The following RIMS2 variants were observed in gnomAD, a reference collection of about 807,000 sequenced individuals.
RIMS2 encodes the protein regulating synaptic membrane exocytosis 2, also known as regulating synaptic membrane exocytosis protein 2.
RIMS2 carries 59 observed loss-of-function variants against 174.4 expected under a neutral mutation model. The ratio of observed to expected loss-of-function variants is 0.34; its 90% confidence interval spans 0.27 to 0.42. The LOEUF is 0.42. Ranked by LOEUF, RIMS2 falls within the 10% of genes least tolerant of loss-of-function variation. The pLI is 1.00. For synonymous variants in RIMS2, 606 were observed against 572.5 expected (o/e 1.06, Z -0.84); for missense variants, 1,620 against 1,666.3 (o/e 0.97, Z 0.48).
At chr8:104,120,934 G>A (rs1442053509) in intron 19 of RIMS2, among the ~76,000 whole-genome samples, 6 of 152,192 alleles carry the variant, frequency 3.9e-5, no homozygotes, top group Non-Finnish European at 7.4e-5. Context: ...TCTCACCTTG[G>A]CAGTATTTTA....
chr8:103,874,905 G>A lies in RIMS2; in HGVS notation c.699-10393G>A, dbSNP rs1053789975. ...AGCTCAGCCTCACCAGCATCTGGTT[G>A]CATCTGCTTCCTCATCTTATTTGGG... On this transcript the variant is annotated intron_variant, in intron 3 of 23. Transcript: ENST00000504942. Among the ~76,000 whole-genome samples, 4 of 152,016 alleles carry A rather than the reference G, an allele frequency of 2.6e-5. 1 individual carries two copies. The highest frequency in any genetic ancestry group is 9.7e-5 in the African/African-American group (4 of 41,428).
intron 2 of RIMS2, among the ~76,000 whole-genome samples, chr8:103,706,393 G>A (rs2097226503): frequency 6.6e-6 from 1 of 152,050 alleles, no homozygotes; most frequent in African/African-American, 2.4e-5. Context: ...ATACCAGTGA[G>A]TTTTATACCT....
At chr8:103,739,425 T>A (rs1349243814) in intron 2 of RIMS2, among the ~76,000 whole-genome samples, 1 of 152,168 alleles carries the variant, frequency 6.6e-6, no homozygotes, top group African/African-American at 2.4e-5. Context: ...ATATACCTAA[T>A]GTAAATGACG....
intron 1 of RIMS2, among the ~76,000 whole-genome samples, chr8:103,663,930 A>C (rs2096635248): frequency 6.6e-6 from 1 of 152,222 alleles, no homozygotes; most frequent in African/African-American, 2.4e-5. Flanking sequence ...TGGTACCAAA[A>C]CAGTTATGTA....
At chr8:104,068,514 A>T (rs1220700551) in intron 19 of RIMS2, 1 of 1,421,146 alleles carries the variant, frequency 7.0e-7, no homozygotes, top group Non-Finnish European at 9.7e-7. Context: ...CTCGATAGGT[A>T]CTATGGATAT....
chr8:104,089,628 C>T (rs2056486131), intron 19 of RIMS2, among the ~76,000 whole-genome samples: 1 of 151,770 alleles, frequency 6.6e-6, no homozygotes, highest in African/African-American at 2.4e-5. Context: ...CAGTGGTAAA[C>T]ATGCTCAGTG....
chr8:103,818,210 T>C (rs1191699712), intron 3 of RIMS2, among the ~76,000 whole-genome samples: 6 of 152,072 alleles, frequency 3.9e-5, no homozygotes, highest in Non-Finnish European at 8.8e-5. Context: ...TATTTACTGA[T>C]AGTGTATGGA....
At chr8:103,580,672 G>A (rs970114451) in intron 1 of RIMS2, among the ~76,000 whole-genome samples, 2 of 152,088 alleles carry the variant, frequency 1.3e-5, no homozygotes, top group Non-Finnish European at 2.9e-5. Context: ...AACCAGTAAT[G>A]AGTAATGAGA....
intron 17 of RIMS2, among the ~76,000 whole-genome samples, chr8:103,999,852 A>C (rs1247614038): frequency 6.6e-6 from 1 of 151,730 alleles, no homozygotes. Context: ...CTTCGGCCTA[A>C]TTGGCCCATT....
intron 19 of RIMS2, among the ~76,000 whole-genome samples, chr8:104,180,202 A>G (rs1263678041): frequency 6.6e-6 from 1 of 151,804 alleles, no homozygotes; most frequent in East Asian, 1.9e-4. Context: ...TTCTGCAAAT[A>G]GAATAACTAA....
At chr8:104,204,366 T>C (rs971133150) in intron 19 of RIMS2, among the ~76,000 whole-genome samples, 4 of 152,214 alleles carry the variant, frequency 2.6e-5, no homozygotes, top group Non-Finnish European at 5.9e-5. Context: ...TGGGATTAAC[T>C]TGAGATGGCT....
intron 16 of RIMS2, chr8:103,976,553 T>C (rs571817934): frequency 6.9e-6 from 1 of 144,264 alleles, no homozygotes; most frequent in South Asian, 2.1e-4. Context: ...TTTTTCTTTT[T>C]TTTTTTTTTT....
rs531486207 is a variant in RIMS2 at position 104,012,887 on chromosome 8, A to G, written c.3045-555A>G. Reference sequence around the variant, plus strand: ...GACAGCCAGTTAACCAGTTTTCTACAGAGTGATTTTTCTTGTGGATCAGGT... The same window carrying G: ...GACAGCCAGTTAACCAGTTTTCTACGGAGTGATTTTTCTTGTGGATCAGGT... On this transcript the variant is annotated intron_variant, in intron 17 of 23. Transcript: ENST00000504942. Among the ~76,000 whole-genome samples the G allele has an allele frequency of 1.8e-3, 280 of 152,296 alleles. 2 individuals carry two copies. The highest frequency in any genetic ancestry group is 3.5e-3 in the Non-Finnish European group (241 of 68,016).
chr8:103,936,090 A>T (rs1265122677), intron 12 of RIMS2, among the ~76,000 whole-genome samples: 1 of 152,226 alleles, frequency 6.6e-6, no homozygotes, highest in East Asian at 1.9e-4. Context: ...ATCATTGGTC[A>T]TTAGCTAGAA....
At chr8:103,893,325 G>C (rs1314887741) in intron 4 of RIMS2, among the ~76,000 whole-genome samples, 2 of 152,156 alleles carry the variant, frequency 1.3e-5, no homozygotes, top group African/African-American at 4.8e-5. Context: ...ATTGTATCTG[G>C]GGTAGGCTTT....
chr8:104,254,202 G>GT (rs1044085142), downstream of RIMS2: 4 of 63,906 alleles, frequency 6.3e-5, no homozygotes, highest in Non-Finnish European at 1.0e-4. Context: ...TTAAAAGTTG[G>GT]TGTTTTTTTT....
intron 1 of RIMS2, among the ~76,000 whole-genome samples, chr8:103,618,249 A>G (rs376140911): frequency 8.9e-4 from 136 of 152,282 alleles, no homozygotes; most frequent in African/African-American, 3.1e-3. Flanking sequence ...ACATATTCTC[A>G]CTTATAAGAG....
intron 19 of RIMS2, among the ~76,000 whole-genome samples, chr8:104,208,152 T>C (rs923128387): frequency 2.0e-5 from 3 of 152,188 alleles, no homozygotes; most frequent in African/African-American, 7.2e-5. Flanking sequence ...TTATGAAATA[T>C]TCCTGGCCAG....
At chr8:103,834,740 CTT>C (rs869033187) in intron 3 of RIMS2, among the ~76,000 whole-genome samples, 2 of 118,264 alleles carry the variant, frequency 1.7e-5, no homozygotes, top group East Asian at 3.3e-4. Context: ...TTCTTTCTTT[CTT>C]TCTCTCTCTT....
Sources: gnomAD v4.1 joint callset for allele counts (sites outside exome capture counted in the v4.1 genomes callset) on GRCh38, gnomAD v4.1.1 for gene constraint, MANE v1.5 for transcripts, NCBI Gene and HGNC (gene_info 2026-07-23, HGNC 2026-07-21) for gene names.